Variants in LPIN2 observed in about 807,000 individuals in gnomAD.
The protein encoded by LPIN2 is phosphatidate phosphatase LPIN2.
A neutral mutation model predicts 111.4 loss-of-function variants in LPIN2; 55 were observed. The ratio of observed to expected loss-of-function variants is 0.49; its 90% confidence interval spans 0.40 to 0.62. The LOEUF (loss-of-function observed/expected upper bound fraction) is 0.62. Among genes scored for constraint, LPIN2 ranks in the 20% least tolerant of loss-of-function variants. The pLI is 0.00. For missense variants in LPIN2, 992 were observed against 1,112.1 expected (o/e 0.89, Z 1.54); for synonymous variants, 425 against 414.0 (o/e 1.03, Z -0.32).
Position 2,934,382 on chromosome 18 carries a change from G to C in LPIN2, c.1237C>G (p.Pro413Ala). ...IYLDDLKGLEPEVAALYFPKS... is the reference protein window; with the variant it reads ...IYLDDLKGLEAEVAALYFPKS... ...GGGAAATAAAGAGCTGCAACTTCAG[G>C]TTCTAGACCCTTTAAGTCATCAAGG... The change falls in exon 8 of 20, where the codon CCT becomes GCT. Residue 413 changes from proline (P) to alanine (A), a missense_variant. Pro to Ala is a conservative substitution (Grantham distance 27). This residue lies in a region of LPIN2 where 709 missense variants were observed against 753.2 expected (regional missense o/e 0.94). Transcript: ENST00000677752. 6.2e-7 allele frequency: 1 copy of C among 1,613,438 alleles called. No homozygotes were observed. The highest frequency in any genetic ancestry group is 8.5e-7 in the Non-Finnish European group (1 of 1,179,634).
chr18:2,996,428 G>A (rs1260556008), intron 1 of LPIN2, among the ~76,000 whole-genome samples: 2 of 147,774 alleles, frequency 1.4e-5, no homozygotes, highest in South Asian at 2.2e-4. Context: ...TGACGTTGCA[G>A]AAAAGATATG....
At position 2,920,143 on chromosome 18, in the gene LPIN2, C is replaced by A; in HGVS notation, c.*150G>T. 1 of 1,053,766 alleles carries A rather than the reference C, an allele frequency of 9.5e-7. No individual in the cohort carries two copies. Among genetic ancestry groups the A allele is most frequent in the Non-Finnish European group, 1.4e-6 (1 of 706,700 alleles). The allele number at this position is 1,053,766 out of a possible 1,614,324, so 65.3% of individuals were successfully genotyped here. On this transcript the variant is annotated 3_prime_UTR_variant, in exon 20 of 20. Transcript: ENST00000677752. ...GACCTGCCGAGCCTGAGCAGCTGGCCTGGGAAGGCAAAGGAGGATGGCGGG... is the reference window on the plus strand; with the variant it reads ...GACCTGCCGAGCCTGAGCAGCTGGCATGGGAAGGCAAAGGAGGATGGCGGG...
At chr18:2,974,292 A>G (rs976423666) in intron 1 of LPIN2, among the ~76,000 whole-genome samples, 1 of 151,932 alleles carries the variant, frequency 6.6e-6, no homozygotes, top group Non-Finnish European at 1.5e-5. Context: ...GTTAGCCAGG[A>G]TGGTCTCGAT....
At chr18:3,010,720 C>T (rs2078588235) in intron 1 of LPIN2, among the ~76,000 whole-genome samples, 1 of 152,186 alleles carries the variant, frequency 6.6e-6, no homozygotes, top group Admixed American at 6.5e-5. Flanking sequence ...ACCAAATCTA[C>T]CTGTTACCAC....
At chr18:2,924,585 A>G in intron 14 of LPIN2, 39 bp from the exon 15 acceptor site, 1 of 1,606,732 alleles carries the variant, frequency 6.2e-7, no homozygotes, top group Non-Finnish European at 8.5e-7. Context: ...ATCAGCTGAA[A>G]ACATAGTTTG....
rs561793247 is a variant in LPIN2, at chr18:2,959,369, T to A, written c.192+1280A>T. ...TTAAGTTTAATTAAATAGAGGGAAA[T>A]TTCTATTTAAAGCTCAGCTATATAA... On this transcript the variant is annotated intron_variant, in intron 2 of 19. Transcript: ENST00000677752. Among the ~76,000 whole-genome samples the A allele has an allele frequency of 1.2e-4, 19 of 152,332 alleles. No homozygotes were observed. The South Asian group carries it at 3.7e-3, about 30-fold the overall frequency.
intron 1 of LPIN2, among the ~76,000 whole-genome samples, chr18:3,010,580 A>C (rs954167235): frequency 2.0e-5 from 3 of 152,218 alleles, no homozygotes; most frequent in African/African-American, 7.2e-5. Flanking sequence ...CAAGTCGGGC[A>C]AATACACACT....
Position 2,925,274 on chromosome 18 carries a change from C to G in LPIN2, c.1888G>C (p.Gly630Arg). Residue 630 changes from glycine to arginine, a missense_variant, in exon 14 of 20, where the codon GGC becomes CGC. By Grantham distance (125) the Gly-to-Arg change is moderately radical (BLOSUM62 -2). Coordinates refer to ENST00000677752, the MANE Select transcript of LPIN2 (RefSeq NM_001375808.2). The surrounding 1 kb of genome is among the most constrained non-coding windows in gnomAD (Gnocchi z 4.1). ...DPIPTEPLSH[G>R]STTSYKKSLR... ...GACTTCTTATATGAAGTTGTGCTGCCGTGGCTCAGGGGCTCTGTGGGGATG... is the reference window on the plus strand; with the variant it reads ...GACTTCTTATATGAAGTTGTGCTGCGGTGGCTCAGGGGCTCTGTGGGGATG... The G allele has an allele frequency of 6.2e-7, 1 of 1,614,110 alleles. No individual in the cohort carries two copies. Among genetic ancestry groups the G allele is most frequent in the Non-Finnish European group, 8.5e-7 (1 of 1,180,022 alleles).
intron 2 of LPIN2, among the ~76,000 whole-genome samples, chr18:2,955,561 G>A (rs1309876723): frequency 6.6e-6 from 1 of 152,146 alleles, no homozygotes; most frequent in Non-Finnish European, 1.5e-5. Flanking sequence ...ATTTCAACAT[G>A]AGACTTGGAG....
intron 1 of LPIN2, among the ~76,000 whole-genome samples, chr18:2,992,776 G>A (rs909545880): frequency 1.3e-5 from 2 of 152,036 alleles, no homozygotes; most frequent in African/African-American, 4.8e-5. Context: ...GAGGTCAGGA[G>A]ATGGAGACCG....
intron 2 of LPIN2, 135 bp from the exon 3 acceptor site, chr18:2,954,734 T>C: frequency 2.8e-6 from 2 of 724,412 alleles, no homozygotes; most frequent in East Asian, 2.7e-5. Context: ...TGAGAAACAC[T>C]GCTACTTGCC....
intron 1 of LPIN2, among the ~76,000 whole-genome samples, chr18:2,992,237 T>C (rs1278842966): frequency 1.3e-5 from 2 of 152,094 alleles, no homozygotes; most frequent in Admixed American, 6.5e-5. Context: ...CATTCAGTCA[T>C]GAAAACAAGT....
At position 2,931,312 on chromosome 18, in the gene LPIN2, G is replaced by A. The variant is rs747519646; in HGVS notation, c.1400C>T (p.Pro467Leu). 1 of 1,614,098 alleles carries A rather than the reference G, an allele frequency of 6.2e-7. No homozygotes were observed. Among genetic ancestry groups the A allele is most frequent in the African/African-American group, 1.3e-5 (1 of 74,936 alleles). The change falls in exon 9 of 20, where the codon CCT becomes CTT. Residue 467 changes from proline to leucine, a missense_variant. Coordinates refer to ENST00000677752, the MANE Select transcript of LPIN2 (RefSeq NM_001375808.2). ...CCCGCAAAGGGAGAGGGTAACGTCAGGCAAGTCCATGGCAGAATCTGAGAG... is the reference window on the plus strand; with the variant it reads ...CCCGCAAAGGGAGAGGGTAACGTCAAGCAAGTCCATGGCAGAATCTGAGAG... Reference protein sequence around the residue: ...ECLSDSAMDLPDVTLSLCGGL... With the variant: ...ECLSDSAMDLLDVTLSLCGGL...
intron 7 of LPIN2, among the ~76,000 whole-genome samples, chr18:2,937,090 A>T (rs550463014): frequency 9.2e-5 from 14 of 152,258 alleles, no homozygotes; most frequent in Admixed American, 7.8e-4. Context: ...TAAAGTGGTT[A>T]ATTTTACTCA....
intron 1 of LPIN2, among the ~76,000 whole-genome samples, chr18:2,992,276 C>T (rs187916543): frequency 2.6e-5 from 4 of 152,162 alleles, no homozygotes; most frequent in African/African-American, 4.8e-5. Context: ...ACAACATGGA[C>T]GAACCCTGAA....
chr18:2,969,913 T>G (rs1214980920), intron 1 of LPIN2, among the ~76,000 whole-genome samples: 1 of 152,212 alleles, frequency 6.6e-6, no homozygotes, highest in Non-Finnish European at 1.5e-5. Context: ...TCCTGTCGTA[T>G]AAAGATGTCA....
rs117016673 is a variant in LPIN2 at position 2,931,185 on chromosome 18, C to T, written c.1456+71G>A. 492 of 1,509,070 alleles carry T rather than the reference C, an allele frequency of 3.3e-4. 2 individuals carry two copies. The East Asian group carries it at 9.8e-3, about 30-fold the overall frequency. The allele number at this position is 1,509,070 out of a possible 1,614,324, so 93.5% of individuals were successfully genotyped here. On this transcript the variant is annotated intron_variant, in intron 9 of 19. Transcript: ENST00000677752. ...ATGTAAATATCCTGAAATGGCTACA[C>T]GGTAAGTTTTAACCAAGTGATGACC...
At position 2,984,673 on chromosome 18, in the gene LPIN2, G is replaced by A. The variant is rs753231595; in HGVS notation, c.-9-23824C>T. Among the ~76,000 whole-genome samples the A allele has an allele frequency of 3.9e-5, 6 of 152,130 alleles. No individual in the cohort carries two copies. The South Asian group carries it at 1.2e-3, about 32-fold the overall frequency. ...TGGATAGCAGGAGAAGGGGAAAACT[G>A]TAAGGAGGGTGGAAAGAAGAAAGAC... is the stretch of plus-strand genomic sequence containing the variant. On this transcript the variant is annotated intron_variant, in intron 1 of 19. Coordinates refer to ENST00000677752, the MANE Select transcript of LPIN2 (RefSeq NM_001375808.2).
In LPIN2 at chr18:2,925,420, G is replaced by C; in HGVS notation, c.1794-52C>G. On this transcript the variant is annotated intron_variant, in intron 13 of 19. Transcript: ENST00000677752. This position sits in a 1 kb window ranked among gnomAD's most constrained non-coding sequence, Gnocchi z 4.1. ...AGAGGCAGCAGGGCATTTTATTGAT[G>C]AGAGCTTTTCATTTAGGATCAAGAA... The C allele has an allele frequency of 6.2e-7, 1 of 1,610,698 alleles. No individual in the cohort carries two copies. Among genetic ancestry groups the C allele is most frequent in the South Asian group, 1.1e-5 (1 of 90,944 alleles).
Sources: allele counts gnomAD v4.1 joint callset (sites outside exome capture counted in the v4.1 genomes callset), GRCh38; gene constraint gnomAD v4.1.1; regional missense constraint gnomAD v4.1.1; non-coding constraint Gnocchi (gnomAD v3.1); transcripts MANE v1.5; gene names NCBI Gene and HGNC (gene_info 2026-07-23, HGNC 2026-07-21).